The following VWA3B variants were observed in gnomAD, a reference collection of about 807,000 sequenced individuals.
VWA3B encodes von Willebrand factor A domain-containing protein 3B.
VWA3B carries 138 observed loss-of-function variants against 158.3 expected under a neutral mutation model. The ratio of observed to expected loss-of-function variants is 0.87; its 90% CI spans 0.76 to 1.00. The LOEUF (loss-of-function observed/expected upper bound fraction) is 1.00. Ranked by LOEUF, VWA3B falls within the 50% of genes least tolerant of loss-of-function variation. VWA3B has a pLI of 0.00. For missense variants in VWA3B, 1,555 were observed against 1,565.1 expected, an observed-to-expected ratio of 0.99 and a Z score of 0.11; for synonymous variants, 596 against 587.3, an observed-to-expected ratio of 1.01 and a Z score of -0.21.
chr2:98,155,472 A>G (rs541311049), intron 7 of VWA3B, among the ~76,000 whole-genome samples: 8 of 152,228 alleles, frequency 5.3e-5, no homozygotes, highest in African/African-American at 1.9e-4. Context: ...CTCACCACTT[A>G]TTAGTTGTGT....
intron 16 of VWA3B, 107 bp downstream of exon 16, chr2:98,230,314 G>T (rs1685249878): frequency 8.5e-7 from 1 of 1,183,280 alleles, no homozygotes; most frequent in Non-Finnish European, 1.1e-6. Context: ...TAAACTTGTG[G>T]GTTTTTTAAA....
chr2:98,117,884 G>A (rs1229431230), intron 3 of VWA3B, among the ~76,000 whole-genome samples: 1 of 151,414 alleles, frequency 6.6e-6, no homozygotes, highest in Non-Finnish European at 1.5e-5. Context: ...CTACAGGTGT[G>A]CGCCACCGTA....
intron 22 of VWA3B, among the ~76,000 whole-genome samples, chr2:98,287,165 A>T (rs1032915841): frequency 1.3e-5 from 2 of 152,012 alleles, no homozygotes; most frequent in African/African-American, 4.8e-5. Context: ...TTTTCCATTT[A>T]TTAAGCTAGA....
chr2:98,172,801 A>G (rs771128008), intron 8 of VWA3B, among the ~76,000 whole-genome samples: 1 of 152,168 alleles, frequency 6.6e-6, no homozygotes, highest in Non-Finnish European at 1.5e-5. Flanking sequence ...GTTTGAACCT[A>G]TTGAGACTGA....
chr2:98,254,329 C>T (rs76163142), intron 20 of VWA3B, among the ~76,000 whole-genome samples: 1,626 of 152,260 alleles, frequency 0.011, 32 homozygotes, highest in African/African-American at 0.034. Flanking sequence ...CACTCCCAGC[C>T]TCCACACTAC....
At chr2:98,266,491 C>G (rs1307357814) in intron 21 of VWA3B, among the ~76,000 whole-genome samples, 1 of 150,768 alleles carries the variant, frequency 6.6e-6, no homozygotes, top group Admixed American at 6.6e-5. Flanking sequence ...ATGCCTCCAG[C>G]TTTGTTCTTT....
chr2:98,199,536 G>A (rs1459788555), intron 12 of VWA3B, among the ~76,000 whole-genome samples: 1 of 152,140 alleles, frequency 6.6e-6, no homozygotes, highest in Non-Finnish European at 1.5e-5. Flanking sequence ...AAACAATGAG[G>A]ACCAGGCGAC....
At chr2:98,225,705 C>CA (rs748819147) in intron 14 of VWA3B, among the ~76,000 whole-genome samples, 24,064 of 105,400 alleles carry the variant, frequency 0.23, 2,467 homozygotes, top group Non-Finnish European at 0.3. Context: ...AGGAGATCTA[C>CA]AAAAAAAAAA....
At chr2:98,159,759 G>A (rs1256612719) in intron 7 of VWA3B, among the ~76,000 whole-genome samples, 1 of 151,660 alleles carries the variant, frequency 6.6e-6, no homozygotes, top group African/African-American at 2.4e-5. Context: ...GCTCATGCCT[G>A]TAATCTCAGC....
chr2:98,285,954 A>G (rs1015824678), intron 22 of VWA3B, among the ~76,000 whole-genome samples: 3 of 152,068 alleles, frequency 2.0e-5, no homozygotes, highest in Admixed American at 1.3e-4. Flanking sequence ...ATTTCTCTCA[A>G]TGATATTTTT....
chr2:98,230,063 A>C lies in VWA3B; in HGVS notation c.2164A>C (p.Ile722Leu). ...KDGDSKHQKEICSMISTPEKC... is the reference protein window; with the variant it reads ...KDGDSKHQKELCSMISTPEKC... ...AAATCAAAACAGGCATCAAAAGGAA[A>C]TCTGTTCTATGATTTCAACCCCAGA... Residue 722 changes from isoleucine to leucine, a missense_variant, in exon 16 of 28, where the codon ATC becomes CTC. Ile to Leu is a conservative substitution (Grantham distance 5, BLOSUM62 2). Transcript: ENST00000477737. The C allele has an allele frequency of 6.3e-7, 1 of 1,575,640 alleles. No homozygotes were observed. Among genetic ancestry groups the C allele is most frequent in the Non-Finnish European group, 8.6e-7 (1 of 1,169,408 alleles).
At chr2:98,090,597 C>G (rs1430364119) in intron 1 of VWA3B, among the ~76,000 whole-genome samples, 1 of 152,114 alleles carries the variant, frequency 6.6e-6, no homozygotes, top group Non-Finnish European at 1.5e-5. Context: ...ACGTGATGCT[C>G]TCCAAGTAAT....
chr2:98,131,338 T>G (rs1013055382), intron 6 of VWA3B, among the ~76,000 whole-genome samples: 2 of 152,250 alleles, frequency 1.3e-5, no homozygotes, highest in African/African-American at 2.4e-5. Flanking sequence ...CCTTTCTTTA[T>G]CCATTCACCC....
At chr2:98,158,929 T>C (rs1007058090) in intron 7 of VWA3B, among the ~76,000 whole-genome samples, 1 of 152,024 alleles carries the variant, frequency 6.6e-6, no homozygotes, top group African/African-American at 2.4e-5. Context: ...CCAGCACCAA[T>C]AGGACCCACC....
At position 98,179,907 on chromosome 2, in the gene VWA3B, TTCTC is replaced by T. The variant is rs959774088; in HGVS notation, c.1115-1100_1115-1097del. On this transcript the variant is annotated intron_variant, in intron 8 of 27. Transcript: ENST00000477737. ...CCCTCTCTCTCTTTCTTTCTCTTTC[TTCTC>T]TCTCTCTCCTTCCTCCCTTCCTCCC... 5.1e-5 allele frequency among the ~76,000 whole-genome samples: 7 copies of T among 136,382 alleles called. No homozygotes were observed. In the East Asian group the frequency reaches 1.1e-3, roughly 22 times the overall value. 89.5% of individuals were successfully genotyped at this position (136,382 alleles called of 152,430 possible).
intron 8 of VWA3B, among the ~76,000 whole-genome samples, chr2:98,168,035 C>T (rs866781757): frequency 6.6e-6 from 1 of 152,180 alleles, no homozygotes; most frequent in African/African-American, 2.4e-5. Context: ...GCATCCAGTA[C>T]CCAACAAGGT....
rs1037685537 is a variant in VWA3B, at chr2:98,218,154, C to T, written c.2019+126C>T. ...AGATAACTAAGTCAAAAAAATGAGTCGCTTAACAATGAGTGTACCAGTGTT... is the reference window on the plus strand; with the variant it reads ...AGATAACTAAGTCAAAAAAATGAGTTGCTTAACAATGAGTGTACCAGTGTT... On this transcript the variant is annotated intron_variant, in intron 14 of 27. Coordinates refer to ENST00000477737, the MANE Select transcript of VWA3B (RefSeq NM_144992.5). The T allele has an allele frequency of 3.1e-5, 33 of 1,071,902 alleles. No homozygotes were observed. In the African/African-American group the frequency reaches 3.4e-4, roughly 11 times the overall value. The allele number at this position is 1,071,902 out of a possible 1,614,324, so 66.4% of individuals were successfully genotyped here.
chr2:98,280,113 G>A (rs111478114), intron 22 of VWA3B, among the ~76,000 whole-genome samples: 1 of 152,262 alleles, frequency 6.6e-6, no homozygotes, highest in Non-Finnish European at 1.5e-5. Context: ...TATCAGGAAC[G>A]CGAAATTACA....
Position 98,121,388 on chromosome 2 carries a change from T to G in VWA3B, c.632T>G (p.Leu211Arg). The stretch of plus-strand genomic sequence containing the variant: ...ACTGCCATCAGTTGGGTTGAGAAAC[T>G]GACGGTTGAGCTGACTGTGAGCGAG... The part of the protein sequence containing the change: ...IATAISWVEK[L>R]TVELTVSEAG... Residue 211 changes from leucine (L) to arginine (R), a missense_variant, in exon 5 of 28, where the codon CTG becomes CGG. Physicochemically the swap from Leu to Arg is moderately radical, Grantham distance 102. Coordinates refer to ENST00000477737, the MANE Select transcript of VWA3B (RefSeq NM_144992.5). 1 of 1,614,228 alleles carries G rather than the reference T, an allele frequency of 6.2e-7. No individual in the cohort carries two copies. Among genetic ancestry groups the G allele is most frequent in the Non-Finnish European group, 8.5e-7 (1 of 1,180,038 alleles).
Sources: allele counts gnomAD v4.1 joint callset (sites outside exome capture counted in the v4.1 genomes callset), GRCh38; gene constraint gnomAD v4.1.1; transcripts MANE v1.5; gene names NCBI Gene and HGNC (gene_info 2026-07-23, HGNC 2026-07-21).